Variants in MDM1 observed in about 807,000 individuals in gnomAD.
The protein encoded by MDM1 is Mdm1 nuclear protein.
In MDM1, 61 loss-of-function variants were observed where a neutral mutation model predicts 89.1. That is an observed-to-expected ratio of 0.68 (90% CI 0.56 to 0.85). MDM1 has a LOEUF of 0.85. Ranked by LOEUF, MDM1 falls within the 40% of genes least tolerant of loss-of-function variation. The probability of loss-of-function intolerance (pLI) is 0.00; values close to 1 mark genes in which losing one functional copy is unlikely to be tolerated. For missense variants in MDM1, 820 were observed against 846.5 expected, an observed-to-expected ratio of 0.97 and a Z score of 0.39; for synonymous variants, 290 against 294.1, an observed-to-expected ratio of 0.99 and a Z score of 0.14.
At position 68,323,091 on chromosome 12, in the gene MDM1, T is replaced by A. The variant is rs1029064359; in HGVS notation, c.783A>T (p.Thr261=). 3.1e-6 allele frequency: 5 copies of A among 1,607,506 alleles called. No homozygotes were observed. The highest frequency in any genetic ancestry group is 4.2e-6 in the Non-Finnish European group (5 of 1,178,184). The change falls in exon 5 of 15, where the codon ACA becomes ACT. Residue 261 remains threonine (T), a synonymous_variant. Coordinates refer to ENST00000682720, the MANE Select transcript of MDM1 (RefSeq NM_001354969.2). The part of the protein sequence containing the change: ...NDLRENRNLE[T]VSPERKSNKI... ...TGAATACCTTCCTTTCAGGAGACAC[T>A]GTTTCAAGATTTCTGTTTTCTCTCA...
At chr12:68,302,992 T>G in intron 12 of MDM1, 120 bp from the exon 13 acceptor site, 1,362 of 374,872 alleles carry the variant, frequency 3.6e-3, no homozygotes, top group East Asian at 5.6e-3. Flanking sequence ...ATGAGAGAAT[T>G]TATGCAACAT....
chr12:68,324,220 A>C (rs1318811019), intron 4 of MDM1, among the ~76,000 whole-genome samples: 1 of 152,146 alleles, frequency 6.6e-6, no homozygotes, highest in Non-Finnish European at 1.5e-5. Flanking sequence ...TTTCACTGAC[A>C]TGTAAAAGCC....
chr12:68,311,587 A>C (rs1183549046), intron 12 of MDM1, among the ~76,000 whole-genome samples: 2 of 152,106 alleles, frequency 1.3e-5, no homozygotes, highest in East Asian at 3.9e-4. Flanking sequence ...CCATATCTCC[A>C]CCAGATCCTA....
intron 12 of MDM1, among the ~76,000 whole-genome samples, chr12:68,306,188 T>C (rs746963401): frequency 6.6e-6 from 1 of 152,066 alleles, no homozygotes; most frequent in Non-Finnish European, 1.5e-5. Flanking sequence ...ATTCAATAAA[T>C]GGTGCTGGGA....
At chr12:68,319,911 C>T (rs1874991552) in intron 7 of MDM1, among the ~76,000 whole-genome samples, 1 of 152,182 alleles carries the variant, frequency 6.6e-6, no homozygotes, top group African/African-American at 2.4e-5. Flanking sequence ...TCAGTTTTAA[C>T]AATCTTCTCA....
chr12:68,326,608 C>A (rs1307610583), intron 3 of MDM1, 49 bp downstream of exon 3: 1 of 1,613,824 alleles, frequency 6.2e-7, no homozygotes, highest in African/African-American at 1.3e-5. Flanking sequence ...ACAATGAAAC[C>A]AATGAAGAAT....
intron 12 of MDM1, among the ~76,000 whole-genome samples, chr12:68,312,438 T>C (rs1023735498): frequency 1.3e-5 from 2 of 152,196 alleles, no homozygotes; most frequent in African/African-American, 4.8e-5. Flanking sequence ...CAAATCTTGT[T>C]GGCTGTACCT....
At chr12:68,315,901 A>G (rs1874422220) in intron 9 of MDM1, among the ~76,000 whole-genome samples, 177 bp downstream of exon 9, 1 of 152,230 alleles carries the variant, frequency 6.6e-6, no homozygotes, top group African/African-American at 2.4e-5. Context: ...TTTATACATA[A>G]ATAAAGCAAT....
At position 68,331,101 on chromosome 12, in the gene MDM1, A is replaced by G. The variant is rs1365081954; in HGVS notation, c.133+6T>C. 8.5e-6 allele frequency: 13 copies of G among 1,530,694 alleles called. No individual in the cohort carries two copies. The highest frequency in any genetic ancestry group is 4.5e-5 in the South Asian group (4 of 89,412). 94.8% of individuals were successfully genotyped at this position (1,530,694 alleles called of 1,614,324 possible). A position where few individuals can be genotyped will look rare whatever the true frequency, so the allele number is the denominator to read the frequency against. ...GTTAGAATGGCTATTAGCCTGCTCA[A>G]CTTACCTAATTGATCTGATCTAAGT... On this transcript the variant is annotated splice_donor_region_variant and intron_variant, in intron 2 of 14. Coordinates refer to ENST00000682720, the MANE Select transcript of MDM1 (RefSeq NM_001354969.2).
At chr12:68,323,734 T>C (rs1340053392) in intron 4 of MDM1, among the ~76,000 whole-genome samples, 1 of 152,202 alleles carries the variant, frequency 6.6e-6, no homozygotes, top group Non-Finnish European at 1.5e-5. Context: ...CCTTTTATAC[T>C]TACTACTTCA....
At position 68,332,309 on chromosome 12, in the gene MDM1, G is replaced by A. The variant is rs777003748; in HGVS notation, c.-64C>T. 30 of 1,517,516 alleles carry A rather than the reference G, an allele frequency of 2.0e-5. No homozygotes were observed. In the Admixed American group the frequency reaches 6.3e-4, roughly 32 times the overall value. The allele number at this position is 1,517,516 out of a possible 1,614,324, so 94.0% of individuals were successfully genotyped here. On this transcript the variant is annotated 5_prime_UTR_variant, in exon 1 of 15. Transcript: ENST00000682720. Reference sequence around the variant, plus strand: ...ACTGGAGAAAAAGCTCCGAGGGGGCGGGGCGATAACAGTGTTCCCTAGCAA... The same window carrying A: ...ACTGGAGAAAAAGCTCCGAGGGGGCAGGGCGATAACAGTGTTCCCTAGCAA...
At chr12:68,324,830 A>G (rs532961191) in intron 4 of MDM1, among the ~76,000 whole-genome samples, 3 of 152,282 alleles carry the variant, frequency 2.0e-5, no homozygotes, top group African/African-American at 7.2e-5. Context: ...TAAAGGATGA[A>G]GGTAGTAAAA....
chr12:68,297,056 T>A, intron 13 of MDM1, 74 bp from the exon 14 acceptor site: 2 of 1,051,020 alleles, frequency 1.9e-6, no homozygotes, highest in Non-Finnish European at 2.7e-6. Context: ...TATACTAAAC[T>A]GTTAGTAAAA....
At chr12:68,304,428 C>A (rs1872610366) in intron 12 of MDM1, among the ~76,000 whole-genome samples, 2 of 152,142 alleles carry the variant, frequency 1.3e-5, no homozygotes, top group South Asian at 4.1e-4. Context: ...TCTGTGATTG[C>A]AGAGCTTATT....
At chr12:68,303,423 T>TG (rs146709414) in intron 12 of MDM1, among the ~76,000 whole-genome samples, 10,544 of 152,202 alleles carry the variant, frequency 0.069, 1,191 homozygotes, top group African/African-American at 0.24. Context: ...ACAATCTTTC[T>TG]GGGGGGCCGG....
intron 7 of MDM1, 63 bp downstream of exon 7, chr12:68,321,284 G>A: frequency 2.3e-6 from 3 of 1,290,534 alleles, no homozygotes; most frequent in South Asian, 2.8e-5. Context: ...AACTCGTTGT[G>A]AAATTAAAGT....
In MDM1 at chr12:68,321,612, T is replaced by A; in HGVS notation, c.818A>T (p.Asp273Val). Residue 273 changes from aspartate to valine, a missense_variant, in exon 6 of 15, where the codon GAT (aspartate) becomes GTT (valine). Physicochemically the swap from Asp to Val is radical, Grantham distance 152 (BLOSUM62 -3). Coordinates refer to ENST00000682720, the MANE Select transcript of MDM1 (RefSeq NM_001354969.2). ...CATCTCTGCTTCCAATTTTAAACGA[T>A]CGTCTATTTTATTACTCTGAAATGG... Reference protein sequence around the residue: ...SPERKSNKIDDRLKLEAEMEL... With the variant: ...SPERKSNKIDVRLKLEAEMEL... 1 of 1,610,288 alleles carries A rather than the reference T, an allele frequency of 6.2e-7. No homozygotes were observed. Among genetic ancestry groups the A allele is most frequent in the South Asian group, 1.1e-5 (1 of 90,686 alleles).
chr12:68,307,857 G>T (rs1408381136), intron 12 of MDM1, among the ~76,000 whole-genome samples: 1 of 148,780 alleles, frequency 6.7e-6, no homozygotes, highest in Non-Finnish European at 1.5e-5. Flanking sequence ...AGAACTGCTT[G>T]AGCCTGGAAG....
chr12:68,312,394 TTC>T (rs1285200955), intron 12 of MDM1, among the ~76,000 whole-genome samples: 3 of 152,296 alleles, frequency 2.0e-5, no homozygotes, highest in Admixed American at 6.5e-5. Context: ...CCCTTGATTT[TTC>T]TCTTTCTCCC....
Sources: allele counts gnomAD v4.1 joint callset (sites outside exome capture counted in the v4.1 genomes callset), GRCh38; gene constraint gnomAD v4.1.1; transcripts MANE v1.5; gene names NCBI Gene and HGNC (gene_info 2026-07-23, HGNC 2026-07-21).